The following ZMYM2 variants were observed in gnomAD, a reference collection of about 807,000 sequenced individuals.
ZMYM2 encodes the protein zinc finger MYM-type protein 2.
Under a neutral mutation model 162.8 loss-of-function variants are expected in ZMYM2, and 56 were observed. The observed-to-expected ratio is 0.34, with a 90% CI of 0.28 to 0.43. The LOEUF is 0.43. Ranked by LOEUF, ZMYM2 falls within the 20% of genes least tolerant of loss-of-function variation. The pLI, the probability that ZMYM2 is intolerant of heterozygous loss-of-function variation, is 1.00. For synonymous variants in ZMYM2, 510 were observed against 541.6 expected (o/e 0.94, Z 0.81); for missense variants, 1,275 against 1,621.8 (o/e 0.79, Z 3.67).
chr13:19,929,248 C>CT, the ZMYM2 span, among the ~76,000 whole-genome samples: 27,688 of 150,558 alleles, frequency 0.18, 4,292 homozygotes, highest in African/African-American at 0.42. Flanking sequence ...TCCTTTTCTC[C>CT]TTTTTTTTGA....
chr13:20,056,535 C>T (rs781407922), intron 14 of ZMYM2, among the ~76,000 whole-genome samples: 6 of 152,010 alleles, frequency 3.9e-5, no homozygotes, highest in Admixed American at 6.6e-5. Flanking sequence ...CTCTCAATGC[C>T]GACAAGGAAA....
the ZMYM2 span, among the ~76,000 whole-genome samples, chr13:19,912,359 G>T: frequency 1.4e-5 from 2 of 144,306 alleles, no homozygotes; most frequent in African/African-American, 2.6e-5. Context: ...TTGAGACAGG[G>T]TCTCACTCTG....
chr13:20,034,421 G>T lies in ZMYM2; in HGVS notation c.2119+17G>T, dbSNP rs779434810. 6 of 1,516,726 alleles carry T rather than the reference G, an allele frequency of 4.0e-6. No individual in the cohort carries two copies. Among genetic ancestry groups the T allele is most frequent in the Non-Finnish European group, 3.5e-6 (4 of 1,135,034 alleles). 94.0% of individuals were successfully genotyped at this position (1,516,726 alleles called of 1,614,324 possible). On this transcript the variant is annotated intron_variant, in intron 11 of 24. Transcript: ENST00000610343. ...GTAGTGAAGGCAAGTTGCATATACA[G>T]TGTTGTTCATAACATTTATTGATAT... is the stretch of plus-strand genomic sequence containing the variant.
chr13:19,873,682 C>T, the ZMYM2 span, among the ~76,000 whole-genome samples: 1 of 152,192 alleles, frequency 6.6e-6, no homozygotes, highest in Non-Finnish European at 1.5e-5. Flanking sequence ...GTTGGGATTA[C>T]AGGCGTGAGC....
At chr13:19,975,099 G>A (rs1253219504) in intron 2 of ZMYM2, among the ~76,000 whole-genome samples, 3 of 149,492 alleles carry the variant, frequency 2.0e-5, no homozygotes, top group East Asian at 2.0e-4. Flanking sequence ...ATTTTATTAC[G>A]ATATGACAAA....
At chr13:19,887,883 A>ATT in the ZMYM2 span, among the ~76,000 whole-genome samples, 5 of 142,542 alleles carry the variant, frequency 3.5e-5, no homozygotes, top group Admixed American at 7.1e-5. Flanking sequence ...CCTTCAAGTA[A>ATT]TTTTTTTTTT....
At chr13:20,066,522 TATC>T (rs1485557884) in intron 19 of ZMYM2, 1 of 194,314 alleles carries the variant, frequency 5.1e-6, no homozygotes, top group African/African-American at 2.3e-5. Flanking sequence ...GAGAAAATGT[TATC>T]AAGAGAATCA....
At chr13:19,947,960 C>A in the ZMYM2 span, among the ~76,000 whole-genome samples, 1 of 148,826 alleles carries the variant, frequency 6.7e-6, no homozygotes, top group Non-Finnish European at 1.5e-5. Flanking sequence ...AGACCTAATT[C>A]TTGTGGGATG....
chr13:19,957,984 G>A (rs1346889182), upstream of ZMYM2, among the ~76,000 whole-genome samples: 1 of 152,254 alleles, frequency 6.6e-6, no homozygotes, highest in Non-Finnish European at 1.5e-5. Flanking sequence ...CAAGTTTCCC[G>A]GCCCCACGGG....
At chr13:20,032,595 CTGTCTTTTTTTTTTTTTT>C (rs1233589728) in intron 10 of ZMYM2, among the ~76,000 whole-genome samples, 13 of 96,380 alleles carry the variant, frequency 1.3e-4, no homozygotes, top group Non-Finnish European at 1.1e-4. Flanking sequence ...GATTTTTTTT[CTGTCTTTTTTTTTTTTTT>C]TTTTTTTTTT....
chr13:20,063,099 A>T, intron 18 of ZMYM2, 128 bp downstream of exon 18: 1 of 1,170,756 alleles, frequency 8.5e-7, no homozygotes, highest in Non-Finnish European at 1.1e-6. Context: ...TTATTTTTTA[A>T]ACTCACCTTA....
In ZMYM2 at chr13:20,046,603, GTGTGTATATATA is replaced by G. The variant is rs71070291; in HGVS notation, c.2293-4799_2293-4788del. ...TATATGTGTGTGTGTGTGTGTGTGT[GTGTGTATATATA>G]TGTGTATATATATGTGTATATATAT... On this transcript the variant is annotated intron_variant, in intron 12 of 24. Coordinates refer to ENST00000610343, the MANE Select transcript of ZMYM2 (RefSeq NM_197968.4). 4.2e-3 allele frequency among the ~76,000 whole-genome samples: 441 copies of G among 104,652 alleles called. 2 individuals carry two copies. The highest frequency in any genetic ancestry group is 0.011 in the South Asian group (40 of 3,728). 68.7% of individuals were successfully genotyped at this position (104,652 alleles called of 152,430 possible). A position where few individuals can be genotyped will look rare whatever the true frequency, so the allele number is the denominator to read the frequency against.
the ZMYM2 span, among the ~76,000 whole-genome samples, chr13:19,894,689 G>A: frequency 0.83 from 126,076 of 151,960 alleles, 54,189 homozygotes; most frequent in Non-Finnish European, 0.92. Context: ...TACTGAAAGT[G>A]AAAGACAGAA....
At chr13:19,934,222 G>A in the ZMYM2 span, among the ~76,000 whole-genome samples, 2 of 152,068 alleles carry the variant, frequency 1.3e-5, no homozygotes, top group African/African-American at 2.4e-5. Context: ...GTGCAGTGGT[G>A]TGATCTCAGC....
At chr13:19,938,914 T>C in the ZMYM2 span, among the ~76,000 whole-genome samples, 3 of 152,074 alleles carry the variant, frequency 2.0e-5, no homozygotes, top group South Asian at 4.1e-4. Flanking sequence ...CAGTGGGAAC[T>C]CTCATTCTTT....
chr13:20,014,924 C>A (rs2140105527), intron 6 of ZMYM2, among the ~76,000 whole-genome samples: 1 of 152,060 alleles, frequency 6.6e-6, no homozygotes, highest in South Asian at 2.1e-4. Flanking sequence ...GCCACCACAC[C>A]TGGCTAATTT....
chr13:20,036,093 TC>T (rs1406035875), intron 11 of ZMYM2, among the ~76,000 whole-genome samples: 17 of 152,188 alleles, frequency 1.1e-4, no homozygotes, highest in African/African-American at 4.1e-4. Flanking sequence ...TGTAAGTCAT[TC>T]TACTTACATA....
rs190298533 is a variant in ZMYM2, at chr13:19,973,085, C to T, written c.-11+13059C>T. 2.9e-3 allele frequency among the ~76,000 whole-genome samples: 438 copies of T among 151,600 alleles called. 2 individuals carry two copies. The highest frequency in any genetic ancestry group is 3.2e-3 in the African/African-American group (132 of 41,372). ...CCGAGTAGCTGGGATTACAGGTGCC[C>T]GCCACCAGGCTTGGCTAAGTTTTGT... is the stretch of plus-strand genomic sequence containing the variant. On this transcript the variant is annotated intron_variant, in intron 2 of 24. Coordinates refer to ENST00000610343, the MANE Select transcript of ZMYM2 (RefSeq NM_197968.4).
chr13:19,992,587 A>C (rs1949713404), intron 2 of ZMYM2, among the ~76,000 whole-genome samples: 1 of 152,166 alleles, frequency 6.6e-6, no homozygotes, highest in Non-Finnish European at 1.5e-5. Context: ...AGATGAGGTA[A>C]GGGAAAGGAT....
Sources: allele counts gnomAD v4.1 joint callset (sites outside exome capture counted in the v4.1 genomes callset), GRCh38; gene constraint gnomAD v4.1.1; transcripts MANE v1.5; gene names NCBI Gene and HGNC (gene_info 2026-07-23, HGNC 2026-07-21).